The following KLF12 variants were observed in gnomAD, a reference collection of about 807,000 sequenced individuals.
KLF12 encodes Krueppel-like factor 12.
A neutral mutation model predicts 37.8 loss-of-function variants in KLF12; 9 were observed. The observed-to-expected ratio is 0.24, with a 90% confidence interval of 0.14 to 0.42. The LOEUF (loss-of-function observed/expected upper bound fraction) is 0.42. Among genes scored for constraint, KLF12 ranks in the 10% least tolerant of loss-of-function variants. The probability of loss-of-function intolerance (pLI) is 1.00; values close to 1 mark genes in which losing one functional copy is unlikely to be tolerated. For synonymous variants in KLF12, 208 were observed against 202.1 expected, an observed-to-expected ratio of 1.03 and a Z score of -0.25; for missense variants, 411 against 516.0, an observed-to-expected ratio of 0.80 and a Z score of 1.97.
intron 6 of KLF12, among the ~76,000 whole-genome samples, chr13:73,721,815 T>C (rs1459564449): frequency 7.1e-6 from 1 of 140,824 alleles, no homozygotes; most frequent in African/African-American, 2.6e-5. Context: ...GGCGTCCCAG[T>C]GTTGGGATTA....
intron 3 of KLF12, among the ~76,000 whole-genome samples, chr13:73,873,253 C>T (rs1055638034): frequency 7.9e-5 from 12 of 152,050 alleles, no homozygotes; most frequent in African/African-American, 1.7e-4. Context: ...GTAAACTCAA[C>T]CTTTATTTTT....
At chr13:73,757,639 C>T (rs1879261907) in intron 6 of KLF12, among the ~76,000 whole-genome samples, 2 of 152,138 alleles carry the variant, frequency 1.3e-5, no homozygotes, top group African/African-American at 4.8e-5. Context: ...AAACTGCTGG[C>T]ACATGGAGCA....
chr13:73,723,772 A>G (rs1186596807), intron 6 of KLF12, among the ~76,000 whole-genome samples: 1 of 152,188 alleles, frequency 6.6e-6, no homozygotes, highest in African/African-American at 2.4e-5. Flanking sequence ...ATGTCTATTT[A>G]TGTGACCGAC....
At chr13:73,905,239 C>T (rs1203191780) in intron 3 of KLF12, among the ~76,000 whole-genome samples, 2 of 152,136 alleles carry the variant, frequency 1.3e-5, no homozygotes, top group Admixed American at 1.3e-4. Context: ...TTTACCATTG[C>T]TTCTCTGTTA....
chr13:74,256,416 A>G, the KLF12 span, among the ~76,000 whole-genome samples: 27 of 152,298 alleles, frequency 1.8e-4, 1 homozygote, highest in South Asian at 5.6e-3. Context: ...TGTTCATCTC[A>G]TTGTTGTGAA....
At chr13:74,005,525 G>A (rs1366281919) in intron 1 of KLF12, among the ~76,000 whole-genome samples, 1 of 152,204 alleles carries the variant, frequency 6.6e-6, no homozygotes, top group Non-Finnish European at 1.5e-5. Context: ...GGCACCAGGT[G>A]TGTGGTTTGA....
chr13:73,839,037 G>A (rs975393495), intron 4 of KLF12, among the ~76,000 whole-genome samples: 1 of 151,946 alleles, frequency 6.6e-6, no homozygotes, highest in Non-Finnish European at 1.5e-5. Context: ...ATAGAAGAGA[G>A]GAGATGCGTC....
chr13:74,185,354 G>A, the KLF12 span, among the ~76,000 whole-genome samples: 1 of 152,196 alleles, frequency 6.6e-6, no homozygotes, highest in Non-Finnish European at 1.5e-5. Context: ...CAACAGAGGA[G>A]GCTAAGGATG....
the KLF12 span, among the ~76,000 whole-genome samples, chr13:74,150,249 A>G: frequency 1.3e-5 from 2 of 152,278 alleles, no homozygotes; most frequent in East Asian, 3.9e-4. Flanking sequence ...TCTCTAATAC[A>G]TGTTGAAGCA....
chr13:74,172,623 C>T, the KLF12 span, among the ~76,000 whole-genome samples: 1 of 152,158 alleles, frequency 6.6e-6, no homozygotes, highest in Non-Finnish European at 1.5e-5. Flanking sequence ...TCTTTCTCTC[C>T]ATGAGTCTTT....
chr13:74,102,450 C>T (rs920989275), intron 1 of KLF12, among the ~76,000 whole-genome samples: 1 of 151,962 alleles, frequency 6.6e-6, no homozygotes, highest in South Asian at 2.1e-4. Flanking sequence ...GTAATCCCAG[C>T]ACTTTGGGAG....
chr13:73,888,066 G>T (rs1171321840), intron 3 of KLF12, among the ~76,000 whole-genome samples: 2 of 151,788 alleles, frequency 1.3e-5, no homozygotes, highest in African/African-American at 4.8e-5. Flanking sequence ...GCAGTGGTAC[G>T]ATCTTGGCTT....
At chr13:73,997,024 T>C (rs1321297863) in intron 1 of KLF12, among the ~76,000 whole-genome samples, 4 of 152,218 alleles carry the variant, frequency 2.6e-5, no homozygotes, top group East Asian at 1.9e-4. Flanking sequence ...CCATCTACAT[T>C]TGCAACCTTC....
In KLF12 at chr13:73,980,468, G is replaced by A. The variant is rs563870002; in HGVS notation, c.33+14522C>T. Among the ~76,000 whole-genome samples, 7 of 152,084 alleles carry A rather than the reference G, an allele frequency of 4.6e-5. No individual in the cohort carries two copies. In the South Asian group the frequency reaches 1.0e-3, roughly 23 times the overall value. The stretch of plus-strand genomic sequence containing the variant: ...ATAAAATATTACTAAACATATCCCA[G>A]TGGGATATAAAATTATCATGATGAA... On this transcript the variant is annotated intron_variant, in intron 2 of 7. Coordinates refer to ENST00000377669, the MANE Select transcript of KLF12 (RefSeq NM_007249.5).
At chr13:74,241,258 G>A in the KLF12 span, among the ~76,000 whole-genome samples, 1 of 151,912 alleles carries the variant, frequency 6.6e-6, no homozygotes, top group Non-Finnish European at 1.5e-5. Context: ...GGCTGCCCGG[G>A]GGTCAGGGGT....
At chr13:73,937,906 G>A (rs916179277) in intron 3 of KLF12, among the ~76,000 whole-genome samples, 2 of 151,238 alleles carry the variant, frequency 1.3e-5, no homozygotes, top group South Asian at 2.1e-4. Context: ...ATTTCTTTCC[G>A]CTTAAAAAAA....
At chr13:73,844,721 C>G (rs2138677972) in intron 4 of KLF12, 1 of 152,170 alleles carries the variant, frequency 6.6e-6, no homozygotes, top group South Asian at 2.1e-4. Context: ...ATACAAGAAC[C>G]AAAACAACCA....
intron 3 of KLF12, among the ~76,000 whole-genome samples, chr13:73,902,534 A>G (rs573158405): frequency 1.3e-5 from 2 of 152,196 alleles, no homozygotes; most frequent in Non-Finnish European, 2.9e-5. Flanking sequence ...AGTGAAAATG[A>G]TTCTAATTCA....
At chr13:73,862,055 GTTT>G (rs10591257) in intron 3 of KLF12, among the ~76,000 whole-genome samples, 17,166 of 142,974 alleles carry the variant, frequency 0.12, 1,219 homozygotes, top group South Asian at 0.19. Context: ...ATATAGTTGG[GTTT>G]TTTTTTTTTT....
Sources: allele counts gnomAD v4.1 joint callset (sites outside exome capture counted in the v4.1 genomes callset), GRCh38; gene constraint gnomAD v4.1.1; transcripts MANE v1.5; gene names NCBI Gene and HGNC (gene_info 2026-07-23, HGNC 2026-07-21).